The following INTS8 variants were observed in gnomAD, a reference collection of about 807,000 sequenced individuals.
INTS8 encodes the protein integrator complex subunit 8, also known as protein kaonashi-1.
In INTS8, 47 loss-of-function variants were observed where a neutral mutation model predicts 138.9. The observed-to-expected ratio is 0.34, with a 90% confidence interval of 0.27 to 0.43. The LOEUF (loss-of-function observed/expected upper bound fraction) is 0.43. Ranked by LOEUF, INTS8 falls within the 20% of genes least tolerant of loss-of-function variation. The pLI is 1.00. For synonymous variants in INTS8, 392 were observed against 400.9 expected (o/e 0.98, Z 0.27); for missense variants, 996 against 1,173.0 (o/e 0.85, Z 2.20).
chr8:94,880,071 T>G (rs2131088637), intron 26 of INTS8, 47 bp from the exon 27 acceptor site: 1 of 1,360,098 alleles, frequency 7.4e-7, no homozygotes, highest in Non-Finnish European at 1.0e-6. Flanking sequence ...CCAACAAAAC[T>G]TAATTTTTGA....
At chr8:94,867,461 G>A (rs534989405) in intron 20 of INTS8, 124 bp downstream of exon 20, 11 of 635,284 alleles carry the variant, frequency 1.7e-5, no homozygotes, top group South Asian at 1.7e-4. Flanking sequence ...TACAGTCTTT[G>A]TGTTTCTCTA....
At chr8:94,875,318 G>C (rs1350867939) in intron 23 of INTS8, among the ~76,000 whole-genome samples, 1 of 152,158 alleles carries the variant, frequency 6.6e-6, no homozygotes, top group Non-Finnish European at 1.5e-5. Flanking sequence ...CTGTTACGTG[G>C]TACAGCATGG....
intron 26 of INTS8, chr8:94,879,860 C>CATG: frequency 4.3e-6 from 1 of 233,008 alleles, no homozygotes; most frequent in Non-Finnish European, 8.3e-6. Flanking sequence ...AATAAATTTA[C>CATG]ATGAATTTAC....
intron 15 of INTS8, among the ~76,000 whole-genome samples, chr8:94,859,150 G>A (rs1197164159): frequency 2.0e-5 from 3 of 151,896 alleles, no homozygotes; most frequent in Non-Finnish European, 2.9e-5. Context: ...CAGGTGTGGT[G>A]GGACCTGTGG....
At chr8:94,848,707 C>T (rs78001730) in intron 10 of INTS8, among the ~76,000 whole-genome samples, 4,005 of 152,054 alleles carry the variant, frequency 0.026, 148 homozygotes, top group African/African-American at 0.087. Context: ...TGTGTTTATT[C>T]ATCAGTTGGT....
At chr8:94,879,841 A>AT (rs1427688906) in intron 26 of INTS8, 2 of 208,574 alleles carry the variant, frequency 9.6e-6, no homozygotes, top group African/African-American at 4.7e-5. Flanking sequence ...GAGCTTACTT[A>AT]TACTTTCAAA....
At position 94,836,602 on chromosome 8, in the gene INTS8, T is replaced by C; in HGVS notation, c.832T>C (p.Phe278Leu). The change falls in exon 7 of 27, where the codon TTT (phenylalanine) becomes CTT (leucine). Residue 278 changes from phenylalanine to leucine, a missense_variant. Physicochemically the swap from Phe to Leu is conservative, Grantham distance 22. Transcript: ENST00000523731. ...TGTCTATGAAAATGCCAGGGAAAAATTTTTTAGAACCAAAGAACTAATTGC... is the reference window on the plus strand; with the variant it reads ...TGTCTATGAAAATGCCAGGGAAAAACTTTTTAGAACCAAAGAACTAATTGC... Reference protein sequence around the residue: ...SAVYENAREKFFRTKELIAEI... With the variant: ...SAVYENAREKLFRTKELIAEI... 6.2e-7 allele frequency: 1 copy of C among 1,612,416 alleles called. No individual in the cohort carries two copies. Among genetic ancestry groups the C allele is most frequent in the Non-Finnish European group, 8.5e-7 (1 of 1,178,676 alleles).
At chr8:94,826,820 T>A (rs1318817840) in intron 2 of INTS8, among the ~76,000 whole-genome samples, 1 of 152,152 alleles carries the variant, frequency 6.6e-6, no homozygotes, top group African/African-American at 2.4e-5. Flanking sequence ...TCTTTTCGCA[T>A]TTAAGCCGGG....
chr8:94,850,472 C>G (rs1815494473), intron 12 of INTS8, among the ~76,000 whole-genome samples: 1 of 152,068 alleles, frequency 6.6e-6, no homozygotes, highest in Admixed American at 6.6e-5. Context: ...ATTAGCCAGG[C>G]ATGGTGGTGG....
intron 4 of INTS8, 58 bp from the exon 5 acceptor site, chr8:94,828,917 A>AT: frequency 3.5e-6 from 4 of 1,131,614 alleles, no homozygotes; most frequent in Non-Finnish European, 4.0e-6. Flanking sequence ...TAAGTTTTGA[A>AT]TTTTTTAGTC....
chr8:94,836,331 T>G lies in INTS8; in HGVS notation c.754-193T>G, dbSNP rs560078348. Among the ~76,000 whole-genome samples, 22 of 152,338 alleles carry G rather than the reference T, an allele frequency of 1.4e-4. No homozygotes were observed. The South Asian group carries it at 3.9e-3, about 27-fold the overall frequency. The stretch of plus-strand genomic sequence containing the variant: ...CTAAAATCTACTCAGTAAATCAATA[T>G]TCTGCTTAAGTTGACCAGAGTTGGT... On this transcript the variant is annotated intron_variant, in intron 6 of 26. Coordinates refer to ENST00000523731, the MANE Select transcript of INTS8 (RefSeq NM_017864.4).
intron 23 of INTS8, 33 bp from the exon 24 acceptor site, chr8:94,876,041 C>T: frequency 1.4e-6 from 2 of 1,391,952 alleles, no homozygotes; most frequent in Non-Finnish European, 1.0e-6. Context: ...GCTTTCATTA[C>T]ATGAAACCAT....
At chr8:94,834,740 T>C (rs1586474467) in intron 6 of INTS8, among the ~76,000 whole-genome samples, 2 of 150,484 alleles carry the variant, frequency 1.3e-5, no homozygotes, top group South Asian at 4.2e-4. Context: ...ACATGTAGTG[T>C]GGACTAAATA....
At chr8:94,827,598 G>A in intron 3 of INTS8, 124 bp from the exon 4 acceptor site, 1 of 1,037,982 alleles carries the variant, frequency 9.6e-7, no homozygotes, top group Non-Finnish European at 1.5e-6. Flanking sequence ...GATGACTTAT[G>A]CAGGATTTAC....
rs777906965 is a variant in INTS8 at position 94,871,312 on chromosome 8, CAA to C, written c.2415-557_2415-556del. ...TGAAACCCCGTCTCTACTAAAAATACAAAAAAAAAAAAAAAATTAGCTGGGTG... is the reference window on the plus strand; with the variant it reads ...TGAAACCCCGTCTCTACTAAAAATACAAAAAAAAAAAAAATTAGCTGGGTG... On this transcript the variant is annotated intron_variant, in intron 20 of 26. Coordinates refer to ENST00000523731, the MANE Select transcript of INTS8 (RefSeq NM_017864.4). Among the ~76,000 whole-genome samples the C allele has an allele frequency of 5.1e-3, 707 of 138,768 alleles. 6 individuals are homozygous for C. The highest frequency in any genetic ancestry group is 0.012 in the African/African-American group (463 of 37,380). 91.0% of individuals were successfully genotyped at this position (138,768 alleles called of 152,430 possible). A position where few individuals can be genotyped will look rare whatever the true frequency, so the allele number is the denominator to read the frequency against.
At chr8:94,825,477 T>C (rs1814465111) in intron 2 of INTS8, among the ~76,000 whole-genome samples, 2 of 151,520 alleles carry the variant, frequency 1.3e-5, no homozygotes, top group South Asian at 4.2e-4. Flanking sequence ...TGATAAAATA[T>C]GCAAGTATAA....
rs59714366 is a variant in INTS8 at position 94,840,913 on chromosome 8, A to AT, written c.1018-561dup. Among the ~76,000 whole-genome samples the AT allele has an allele frequency of 6.7e-3, 886 of 131,516 alleles. 6 individuals are homozygous for AT. Among genetic ancestry groups the AT allele is most frequent in the African/African-American group, 0.016 (570 of 35,060 alleles). The allele number at this position is 131,516 out of a possible 152,430, so 86.3% of individuals were successfully genotyped here. A position where few individuals can be genotyped will look rare whatever the true frequency, so the allele number is the denominator to read the frequency against. ...GAGCTTGTGTTTAGAGAGAATAATA[A>AT]TTTTTTTTTTTTTTTTTGAGATGGA... is the stretch of plus-strand genomic sequence containing the variant. On this transcript the variant is annotated intron_variant, in intron 8 of 26. Coordinates refer to ENST00000523731, the MANE Select transcript of INTS8 (RefSeq NM_017864.4).
intron 7 of INTS8, 127 bp downstream of exon 7, chr8:94,836,758 C>T: frequency 1.7e-6 from 1 of 577,696 alleles, no homozygotes; most frequent in Non-Finnish European, 3.0e-6. Context: ...CAAGAAAGTA[C>T]TAAAACTGGT....
intron 1 of INTS8, among the ~76,000 whole-genome samples, chr8:94,824,643 ACT>A (rs1423245513): frequency 2.0e-5 from 3 of 147,872 alleles, no homozygotes; most frequent in African/African-American, 7.5e-5. Flanking sequence ...GCTTTCTTCC[ACT>A]CTAATCTGTT....
Sources: allele counts gnomAD v4.1 joint callset (sites outside exome capture counted in the v4.1 genomes callset), GRCh38; gene constraint gnomAD v4.1.1; transcripts MANE v1.5; gene names NCBI Gene and HGNC (gene_info 2026-07-23, HGNC 2026-07-21).